The following ECHDC2 variants were observed in gnomAD, a reference collection of about 807,000 sequenced individuals.
ECHDC2 encodes the protein enoyl-CoA hydratase domain-containing protein 2, mitochondrial.
A neutral mutation model predicts 40.6 loss-of-function variants in ECHDC2; 34 were observed. The ratio of observed to expected loss-of-function variants is 0.84; its 90% confidence interval spans 0.64 to 1.11. The LOEUF is 1.11. Ranked by LOEUF, ECHDC2 falls within the 50% of genes most tolerant of loss-of-function variation. The pLI is 0.00. For synonymous variants in ECHDC2, 162 were observed against 166.6 expected, an observed-to-expected ratio of 0.97 and a Z score of 0.21; for missense variants, 392 against 400.7, an observed-to-expected ratio of 0.98 and a Z score of 0.19.
At chr1:52,906,396 CTTAG>C in intron 5 of ECHDC2, 119 bp downstream of exon 5, 1 of 854,240 alleles carries the variant, frequency 1.2e-6, no homozygotes, top group South Asian at 1.4e-5. Flanking sequence ...TCTGCCTTGC[CTTAG>C]TTTTGCTTTT....
Position 52,896,418 on chromosome 1 carries a change from G to A in ECHDC2, c.*102C>T. 2 of 914,812 alleles carry A rather than the reference G, an allele frequency of 2.2e-6. No individual in the cohort carries two copies. The highest frequency in any genetic ancestry group is 3.7e-6 in the Non-Finnish European group (2 of 546,386). The allele number at this position is 914,812 out of a possible 1,614,324, so 56.7% of individuals were successfully genotyped here. Reference sequence around the variant, plus strand: ...TCATCATCCTTGTGAAGAAATGGAAGTCTGGAGAGGTGAAATGATGAAGGC... The same window carrying A: ...TCATCATCCTTGTGAAGAAATGGAAATCTGGAGAGGTGAAATGATGAAGGC... On this transcript the variant is annotated 3_prime_UTR_variant, in exon 10 of 10. Transcript: ENST00000371522.
In ECHDC2 at chr1:52,911,561, C is replaced by G. The variant is rs760384779; in HGVS notation, c.277+5G>C. The G allele has an allele frequency of 1.3e-4, 210 of 1,613,070 alleles. 1 individual carries two copies. Among genetic ancestry groups the G allele is most frequent in the Non-Finnish European group, 1.6e-4 (189 of 1,180,016 alleles). Reference sequence around the variant, plus strand: ...GCACAGATGGGGGCAGGAGAGAGAACCTACCTGCACAGAACACGCCCTTCA... The same window carrying G: ...GCACAGATGGGGGCAGGAGAGAGAAGCTACCTGCACAGAACACGCCCTTCA... On this transcript the variant is annotated splice_donor_5th_base_variant and intron_variant, in intron 3 of 9. Coordinates refer to ENST00000371522, the MANE Select transcript of ECHDC2 (RefSeq NM_001198961.2).
rs757899613 is a variant in ECHDC2, at chr1:52,896,524, T to C, written c.875A>G (p.Lys292Arg). The C allele has an allele frequency of 3.7e-6, 6 of 1,613,850 alleles. No individual in the cohort carries two copies. The African/African-American group carries it at 5.3e-5, about 14-fold the overall frequency. ...TGCTGAAGGTTAAAATGGGGGTCAT[T>C]TGCCAACAAATTTGGGAGTCCGCTT... ...REKRTPKFVG[K>R] The change falls in exon 10 of 10, where the codon AAA becomes AGA. Residue 292 changes from lysine (K) to arginine (R), a missense_variant. Coordinates refer to ENST00000371522, the MANE Select transcript of ECHDC2 (RefSeq NM_001198961.2).
At chr1:52,897,547 C>T in intron 8 of ECHDC2, 63 bp from the exon 9 acceptor site, 1 of 1,525,546 alleles carries the variant, frequency 6.6e-7, no homozygotes, top group Non-Finnish European at 9.1e-7. Flanking sequence ...ACACTGGAAG[C>T]CAGCCCACCC....
Position 52,905,143 on chromosome 1 carries a change from C to T in ECHDC2, c.458-53G>A, listed in dbSNP as rs1571939907. The T allele has an allele frequency of 4.4e-6, 7 of 1,590,072 alleles. No individual in the cohort carries two copies. In the East Asian group the frequency reaches 1.6e-4, roughly 36 times the overall value. ...CCCTCCCCCATCCGGTCCCCCAGTG[C>T]TAATCCCGGGGGCCACAGCTGCCTC... On this transcript the variant is annotated intron_variant, in intron 5 of 9. Transcript: ENST00000371522.
At chr1:52,908,979 T>G (rs541653856) in intron 3 of ECHDC2, among the ~76,000 whole-genome samples, 1 of 150,862 alleles carries the variant, frequency 6.6e-6, no homozygotes, top group East Asian at 1.9e-4. Flanking sequence ...AATAGACATT[T>G]CTCCTGAGGA....
At chr1:52,916,113 C>T (rs1650613795) in intron 1 of ECHDC2, among the ~76,000 whole-genome samples, 1 of 152,196 alleles carries the variant, frequency 6.6e-6, no homozygotes, top group Admixed American at 6.5e-5. Context: ...CCCAGCCTGG[C>T]AAGACCTGAA....
Position 52,915,595 on chromosome 1 carries a change from A to G in ECHDC2, c.122-3805T>C, listed in dbSNP as rs145902346. On this transcript the variant is annotated intron_variant, in intron 1 of 9. Coordinates refer to ENST00000371522, the MANE Select transcript of ECHDC2 (RefSeq NM_001198961.2). ...AGAGAAAATGGGGCAACTCTGGAGAAGGGAGACTGCAGTGGATAGAGAGAT... is the reference window on the plus strand; with the variant it reads ...AGAGAAAATGGGGCAACTCTGGAGAGGGGAGACTGCAGTGGATAGAGAGAT... Among the ~76,000 whole-genome samples the G allele has an allele frequency of 6.7e-3, 1,013 of 152,282 alleles. 9 individuals carry two copies. The highest frequency in any genetic ancestry group is 0.065 in the Middle Eastern group (19 of 294).
At position 52,914,061 on chromosome 1, in the gene ECHDC2, A is replaced by T. The variant is rs1650147381; in HGVS notation, c.122-2271T>A. The T allele has an allele frequency of 1.0e-6, 1 of 963,838 alleles. No individual in the cohort carries two copies. The highest frequency in any genetic ancestry group is 1.4e-6 in the Non-Finnish European group (1 of 692,142). The allele number at this position is 963,838 out of a possible 1,614,324, so 59.7% of individuals were successfully genotyped here. On this transcript the variant is annotated intron_variant, in intron 1 of 9. Coordinates refer to ENST00000371522, the MANE Select transcript of ECHDC2 (RefSeq NM_001198961.2). This position sits in a 1 kb window ranked among gnomAD's most constrained non-coding sequence, Gnocchi z 4.0. ...AGACACCGTGATTCCAGAGACCAGG[A>T]CAGACTCAAGGCCTGTCCTCATGGA... is the stretch of plus-strand genomic sequence containing the variant.
intron 3 of ECHDC2, among the ~76,000 whole-genome samples, chr1:52,910,329 TACTTATATTTCACC>T (rs1649068554): frequency 6.7e-6 from 1 of 150,258 alleles, no homozygotes; most frequent in African/African-American, 2.4e-5. Flanking sequence ...AATTTTGTGT[TACTTATATTTCACC>T]ACAATTTCGT....
At chr1:52,901,856 A>G (rs1339373930) in intron 7 of ECHDC2, 1 of 152,212 alleles carries the variant, frequency 6.6e-6, no homozygotes, top group East Asian at 1.9e-4. Flanking sequence ...CAAAAAGACA[A>G]ACCCTATAGT....
intron 3 of ECHDC2, among the ~76,000 whole-genome samples, chr1:52,909,637 C>T (rs985824640): frequency 2.0e-5 from 3 of 152,086 alleles, no homozygotes; most frequent in South Asian, 2.1e-4. Flanking sequence ...GCCCAGAGGC[C>T]GAGGGTTGGA....
chr1:52,897,482 C>T lies in ECHDC2; in HGVS notation c.756G>A (p.Val252=). 1 of 1,614,214 alleles carries T rather than the reference C, an allele frequency of 6.2e-7. No homozygotes were observed. The highest frequency in any genetic ancestry group is 8.5e-7 in the Non-Finnish European group (1 of 1,180,032). ...CAATGGCCATCCCAGATGCAATGTC[C>T]ACCTGCAAGAAAGACGTGCTCCCTG... ...GKVAIDRGTE[V]DIASGMAIEG... is the part of the protein sequence containing the mutation. Residue 252 remains valine, a splice_region_variant and synonymous_variant, in exon 9 of 10, where the codon GTG becomes GTA. Transcript: ENST00000371522.
chr1:52,919,558 T>C (rs1651444141), intron 1 of ECHDC2, among the ~76,000 whole-genome samples: 1 of 152,174 alleles, frequency 6.6e-6, no homozygotes, highest in South Asian at 2.1e-4. Flanking sequence ...TCTCAGAATG[T>C]AGCCCCGTTG....
At chr1:52,897,764 T>G (rs916169597) in intron 8 of ECHDC2, 2 of 543,584 alleles carry the variant, frequency 3.7e-6, no homozygotes, top group African/African-American at 3.8e-5. Context: ...CTTTATGACC[T>G]GGGCCCTGGC....
chr1:52,914,307 T>A lies in ECHDC2; in HGVS notation c.122-2517A>T, dbSNP rs539686271. Among the ~76,000 whole-genome samples, 1 of 152,076 alleles carries A rather than the reference T, an allele frequency of 6.6e-6. No individual in the cohort carries two copies. Among genetic ancestry groups the A allele is most frequent in the South Asian group, 2.1e-4 (1 of 4,804 alleles). On this transcript the variant is annotated intron_variant, in intron 1 of 9. Coordinates refer to ENST00000371522, the MANE Select transcript of ECHDC2 (RefSeq NM_001198961.2). The surrounding 1 kb of genome is among the most constrained non-coding windows in gnomAD (Gnocchi z 4.0). ...AAAGATGTAAGAGTGCATGTGTGCA[T>A]GTAAGTGTGCATGCATGGGTGCATA...
At chr1:52,919,918 A>T (rs1254137284) in intron 1 of ECHDC2, among the ~76,000 whole-genome samples, 10 of 152,132 alleles carry the variant, frequency 6.6e-5, no homozygotes, top group Non-Finnish European at 1.3e-4. Context: ...ATGATTCCCG[A>T]TATTTGCAAG....
At chr1:52,919,683 A>G (rs1168440044) in intron 1 of ECHDC2, among the ~76,000 whole-genome samples, 2 of 152,238 alleles carry the variant, frequency 1.3e-5, no homozygotes, top group African/African-American at 4.8e-5. Flanking sequence ...CTCTTGTGCC[A>G]TCAGCCCCAG....
At chr1:52,917,782 C>T (rs1651035024) in intron 1 of ECHDC2, among the ~76,000 whole-genome samples, 1 of 152,102 alleles carries the variant, frequency 6.6e-6, no homozygotes, top group African/African-American at 2.4e-5. Flanking sequence ...CATCATAGCG[C>T]AATGCAACAC....
Sources: gnomAD v4.1 joint callset for allele counts (sites outside exome capture counted in the v4.1 genomes callset) on GRCh38, gnomAD v4.1.1 for gene constraint, Gnocchi (gnomAD v3.1) non-coding constraint, MANE v1.5 for transcripts, NCBI Gene and HGNC (gene_info 2026-07-23, HGNC 2026-07-21) for gene names.